PPP2R2A: variants seen among roughly 807,000 people sequenced by gnomAD.
PPP2R2A encodes the protein protein phosphatase 2 regulatory subunit Balpha, also known as serine/threonine-protein phosphatase 2A 55 kDa regulatory subunit B alpha isoform.
Under a neutral mutation model 53.2 loss-of-function variants are expected in PPP2R2A, and 9 were observed. The ratio of observed to expected loss-of-function variants is 0.17; its 90% CI spans 0.10 to 0.30. The LOEUF is 0.30. PPP2R2A is among the 10% of genes least tolerant of loss of function. The pLI is 1.00. For synonymous variants in PPP2R2A, 169 were observed against 174.2 expected (o/e 0.97, Z 0.23); for missense variants, 235 against 534.6 (o/e 0.44, Z 5.53).
chr8:26,311,177 T>C (rs1040288480), intron 2 of PPP2R2A, among the ~76,000 whole-genome samples: 5 of 152,226 alleles, frequency 3.3e-5, no homozygotes, highest in African/African-American at 1.2e-4. Context: ...GAGGATTAAA[T>C]ATACATGAAT....
intron 9 of PPP2R2A, among the ~76,000 whole-genome samples, chr8:26,367,902 A>G (rs1243360451): frequency 1.3e-5 from 2 of 152,172 alleles, no homozygotes; most frequent in Non-Finnish European, 2.9e-5. Context: ...ATCTCTTGTT[A>G]GTCTCCTTTA....
intron 2 of PPP2R2A, among the ~76,000 whole-genome samples, chr8:26,306,182 A>G (rs1802012152): frequency 6.6e-6 from 1 of 151,712 alleles, no homozygotes; most frequent in Non-Finnish European, 1.5e-5. Flanking sequence ...CAAAAAAAAA[A>G]ATGAGTTTCT....
At chr8:26,295,898 T>C (rs533613108) in intron 2 of PPP2R2A, among the ~76,000 whole-genome samples, 2 of 152,322 alleles carry the variant, frequency 1.3e-5, no homozygotes, top group African/African-American at 2.4e-5. Context: ...AATAAGGTTA[T>C]TAACACATTC....
chr8:26,339,659 G>T (rs1010398937), intron 3 of PPP2R2A, among the ~76,000 whole-genome samples: 1 of 151,948 alleles, frequency 6.6e-6, no homozygotes, highest in Non-Finnish European at 1.5e-5. Context: ...GTCACACTTG[G>T]TTTTTTCTTA....
chr8:26,344,809 G>T (rs944397835), intron 3 of PPP2R2A, among the ~76,000 whole-genome samples: 5 of 152,058 alleles, frequency 3.3e-5, no homozygotes, highest in Non-Finnish European at 5.9e-5. Context: ...GCAGAAATTT[G>T]AATTAACCAT....
chr8:26,293,767 G>A, intron 2 of PPP2R2A, 27 bp downstream of exon 2: 1 of 1,603,626 alleles, frequency 6.2e-7, no homozygotes. Flanking sequence ...TGCAAAATTT[G>A]GATATATAAT....
At chr8:26,318,745 A>G (rs1433702464) in intron 2 of PPP2R2A, among the ~76,000 whole-genome samples, 3 of 152,198 alleles carry the variant, frequency 2.0e-5, no homozygotes, top group Non-Finnish European at 2.9e-5. Context: ...TTTTGTCAGA[A>G]TATAAAGATA....
At chr8:26,361,231 A>T in intron 6 of PPP2R2A, 80 bp downstream of exon 6, 1 of 1,397,958 alleles carries the variant, frequency 7.2e-7, no homozygotes, top group Non-Finnish European at 9.6e-7. Flanking sequence ...TCTCCTAATG[A>T]ATTTGGTTGC....
chr8:26,366,955 C>A lies in PPP2R2A; in HGVS notation c.1064+549C>A, dbSNP rs1044526982. Among the ~76,000 whole-genome samples the A allele has an allele frequency of 2.0e-5, 3 of 151,954 alleles. No homozygotes were observed. In the East Asian group the frequency reaches 5.8e-4, roughly 29 times the overall value. On this transcript the variant is annotated intron_variant, in intron 9 of 9. Transcript: ENST00000380737. ...TATTCATTTTTAGTAAAATGTTACC[C>A]ATTATTTAAAGATAAAATAAGTCTT...
At chr8:26,328,615 T>G (rs1216730401) in intron 2 of PPP2R2A, among the ~76,000 whole-genome samples, 5 of 152,232 alleles carry the variant, frequency 3.3e-5, no homozygotes, top group African/African-American at 1.2e-4. Context: ...TTATTTATTT[T>G]ATACAAACAG....
chr8:26,293,324 A>G (rs1317250720), intron 1 of PPP2R2A: 4 of 1,451,672 alleles, frequency 2.8e-6, no homozygotes, highest in Non-Finnish European at 2.8e-6. Flanking sequence ...CTTTTTGTAC[A>G]CTTAAGAAAA....
At chr8:26,337,262 A>C (rs561369097) in intron 2 of PPP2R2A, among the ~76,000 whole-genome samples, 24 of 152,292 alleles carry the variant, frequency 1.6e-4, no homozygotes, top group Admixed American at 1.2e-3. Flanking sequence ...GCTAAAAAAA[A>C]CCCAGCAAAT....
At chr8:26,304,821 TTCTG>T (rs548011200) in intron 2 of PPP2R2A, among the ~76,000 whole-genome samples, 33 of 152,352 alleles carry the variant, frequency 2.2e-4, no homozygotes, top group East Asian at 7.7e-4. Context: ...GCATTGCTTG[TTCTG>T]TCTTTCTTCT....
intron 3 of PPP2R2A, among the ~76,000 whole-genome samples, chr8:26,346,730 A>C (rs1037108285): frequency 6.6e-6 from 1 of 152,192 alleles, no homozygotes; most frequent in Admixed American, 6.5e-5. Context: ...CTTAGTGTCT[A>C]GTTATTAAGA....
chr8:26,310,395 A>G (rs1391205597), intron 2 of PPP2R2A, among the ~76,000 whole-genome samples: 5 of 149,524 alleles, frequency 3.3e-5, no homozygotes, highest in Middle Eastern at 3.4e-3. Flanking sequence ...TTTCCAGCAT[A>G]TAGTTCTTTT....
At chr8:26,355,531 A>G (rs1804732529) in intron 4 of PPP2R2A, among the ~76,000 whole-genome samples, 1 of 152,144 alleles carries the variant, frequency 6.6e-6, no homozygotes, top group African/African-American at 2.4e-5. Context: ...CGTGTGAGCC[A>G]CTATGCCTGG....
At chr8:26,316,951 C>T (rs948978754) in intron 2 of PPP2R2A, among the ~76,000 whole-genome samples, 1 of 152,226 alleles carries the variant, frequency 6.6e-6, no homozygotes, top group Non-Finnish European at 1.5e-5. Context: ...TAGTCAGTTA[C>T]TGATTGCAGG....
chr8:26,341,714 A>T (rs1389123788), intron 3 of PPP2R2A, among the ~76,000 whole-genome samples: 1 of 152,092 alleles, frequency 6.6e-6, no homozygotes, highest in Admixed American at 6.5e-5. Context: ...CTGGCATTTG[A>T]TCTATTGTGG....
intron 2 of PPP2R2A, among the ~76,000 whole-genome samples, chr8:26,301,371 C>T (rs1801777722): frequency 7.2e-6 from 1 of 139,628 alleles, no homozygotes; most frequent in Admixed American, 7.8e-5. Context: ...CTTGCTCTGT[C>T]ATCCTGGCTG....
Sources: allele counts gnomAD v4.1 joint callset (sites outside exome capture counted in the v4.1 genomes callset), GRCh38; gene constraint gnomAD v4.1.1; transcripts MANE v1.5; gene names NCBI Gene and HGNC (gene_info 2026-07-23, HGNC 2026-07-21).